HSD17B13: variants seen among roughly 807,000 people sequenced by gnomAD.
HSD17B13 encodes the protein hydroxysteroid 17-beta dehydrogenase 13.
Under a neutral mutation model 31.1 loss-of-function variants are expected in HSD17B13, and 26 were observed. That is an observed-to-expected ratio of 0.84 (90% CI 0.61 to 1.16). The LOEUF (loss-of-function observed/expected upper bound fraction) is 1.16, where lower values mean the gene tolerates loss of function less well. Ranked by LOEUF, HSD17B13 falls within the 50% of genes most tolerant of loss-of-function variation. HSD17B13 has a pLI of 0.00. For missense variants in HSD17B13, 374 were observed against 366.5 expected (o/e 1.02, Z -0.17); for synonymous variants, 141 against 133.7 (o/e 1.05, Z -0.38).
rs1734320576 is a variant in HSD17B13, at chr4:87,303,854, C to T, written c.*1364G>A. 7.9e-6 allele frequency: 1 copy of T among 126,002 alleles called. No homozygotes were observed. Among genetic ancestry groups the T allele is most frequent in the South Asian group, 2.6e-4 (1 of 3,848 alleles). 7.8% of individuals were successfully genotyped at this position (126,002 alleles called of 1,614,324 possible). On this transcript the variant is annotated 3_prime_UTR_variant, in exon 7 of 7. Coordinates refer to ENST00000328546, the MANE Select transcript of HSD17B13 (RefSeq NM_178135.5). ...AGGTTATTTTTTTAAAGCACAATGA[C>T]ATATTTATTTTTAGTGAATTGTTTT... is the stretch of plus-strand genomic sequence containing the variant.
rs372756309 is a variant in HSD17B13, at chr4:87,313,846, C to T, written c.672G>A (p.Gly224=). Residue 224 remains glycine, a synonymous_variant, in exon 5 of 7, where the codon GGG becomes GGA. Transcript: ENST00000328546. ...SCLCPVFVNT[G]FTKNPSTRLW... ...ACCTTGTGCTTGGATTTTTGGTGAA[C>T]CCAGTATTCACAAAAACTGGGCAGA... is the stretch of plus-strand genomic sequence containing the variant. The T allele has an allele frequency of 3.1e-6, 5 of 1,611,720 alleles. No individual in the cohort carries two copies. In the African/African-American group the frequency reaches 5.4e-5, roughly 17 times the overall value.
chr4:87,307,466 C>T (rs115813631), intron 6 of HSD17B13, among the ~76,000 whole-genome samples: 2,585 of 152,226 alleles, frequency 0.017, 63 homozygotes, highest in African/African-American at 0.059. Context: ...TCCTACAGTG[C>T]TTAGTACCAA....
At chr4:87,306,030 C>T (rs1178442238) in intron 6 of HSD17B13, among the ~76,000 whole-genome samples, 2 of 152,106 alleles carry the variant, frequency 1.3e-5, no homozygotes, top group Admixed American at 6.5e-5. Flanking sequence ...TCATACAGTT[C>T]GTCCCTCTGA....
intron 4 of HSD17B13, among the ~76,000 whole-genome samples, chr4:87,314,641 T>TCTCTCACACACA (rs373166006): frequency 7.0e-6 from 1 of 142,140 alleles, no homozygotes; most frequent in African/African-American, 2.5e-5. Context: ...TCTCTCTCTC[T>TCTCTCACACACA]CACACACACA....
Position 87,319,329 on chromosome 4 carries a change from C to CT in HSD17B13, c.211-894dup, listed in dbSNP as rs556561217. ...CAAAACAAAACAAAATCCCTTCATG[C>CT]TTTTTTCAGCTTTTCCTCTTGGTTG... On this transcript the variant is annotated intron_variant, in intron 1 of 6. Transcript: ENST00000328546. Among the ~76,000 whole-genome samples the CT allele has an allele frequency of 3.8e-3, 581 of 151,986 alleles. 3 individuals carry two copies. The highest frequency in any genetic ancestry group is 0.013 in the African/African-American group (541 of 41,516).
At chr4:87,316,298 A>G (rs1734647903) in intron 3 of HSD17B13, among the ~76,000 whole-genome samples, 1 of 152,184 alleles carries the variant, frequency 6.6e-6, no homozygotes, top group Non-Finnish European at 1.5e-5. Flanking sequence ...GCTTTAAACC[A>G]CTAAGTTTTG....
At chr4:87,310,500 G>GCGGTATACATATA in intron 5 of HSD17B13, 141 bp from the exon 6 acceptor site, 1 of 1,003,798 alleles carries the variant, frequency 1.0e-6, no homozygotes, top group Non-Finnish European at 1.3e-6. Flanking sequence ...CTGCATTAAT[G>GCGGTATACATATA]CCACCCTACC....
In HSD17B13 at chr4:87,322,796, A is replaced by T. The variant is rs200847277; in HGVS notation, c.46T>A (p.Tyr16Asn). The part of the protein sequence containing the change: ...EILLLLITII[Y>N]SYLESLVKFF... ...TTCACCAACGACTCCAAGTAGGAGT[A>T]GATGATGGTGATCAGAAGCAGAAGG... is the stretch of plus-strand genomic sequence containing the variant. Residue 16 changes from tyrosine (Y) to asparagine (N), a missense_variant, in exon 1 of 7, where the codon TAC (tyrosine) becomes AAC (asparagine). By Grantham distance (143) the Tyr-to-Asn change is moderately radical. Transcript: ENST00000328546. 6.5e-4 allele frequency: 1,044 copies of T among 1,614,180 alleles called. 4 individuals carry two copies. Among genetic ancestry groups the T allele is most frequent in the Non-Finnish European group, 8.7e-4 (1,029 of 1,179,992 alleles).
At chr4:87,312,687 G>A (rs113875991) in intron 5 of HSD17B13, among the ~76,000 whole-genome samples, 47 of 150,742 alleles carry the variant, frequency 3.1e-4, no homozygotes, top group African/African-American at 1.1e-3. Context: ...CCGCCACCAC[G>A]CCCGGCTAAT....
chr4:87,312,810 A>T lies in HSD17B13; in HGVS notation c.695+1013T>A, dbSNP rs569853889. 3.3e-5 allele frequency among the ~76,000 whole-genome samples: 5 copies of T among 152,054 alleles called. No homozygotes were observed. The South Asian group carries it at 1.0e-3, about 32-fold the overall frequency. On this transcript the variant is annotated intron_variant, in intron 5 of 6. Coordinates refer to ENST00000328546, the MANE Select transcript of HSD17B13 (RefSeq NM_178135.5). ...CATGGTGGCTCACTCCTGTAATCCC[A>T]GCATTTTAGGAGGCCAAGGCAGGTA... is the stretch of plus-strand genomic sequence containing the variant.
chr4:87,320,252 G>A (rs1734749054), intron 1 of HSD17B13, among the ~76,000 whole-genome samples: 1 of 152,104 alleles, frequency 6.6e-6, no homozygotes, highest in Non-Finnish European at 1.5e-5. Flanking sequence ...CACTGATTTA[G>A]TTGGTAGCTT....
Position 87,316,746 on chromosome 4 carries a change from G to GA in HSD17B13, c.450+345dup, listed in dbSNP as rs549360028. On this transcript the variant is annotated intron_variant, in intron 3 of 6. Coordinates refer to ENST00000328546, the MANE Select transcript of HSD17B13 (RefSeq NM_178135.5). ...ACATTACAAAATCATGGTGTGGAGG[G>GA]AAAAAAATGAAGTCACAAGTGACAG... Among the ~76,000 whole-genome samples the GA allele has an allele frequency of 4.6e-5, 7 of 152,150 alleles. No individual in the cohort carries two copies. In the South Asian group the frequency reaches 1.0e-3, roughly 23 times the overall value.
chr4:87,309,473 C>T (rs1386158796), intron 6 of HSD17B13, among the ~76,000 whole-genome samples: 2 of 140,452 alleles, frequency 1.4e-5, no homozygotes, highest in African/African-American at 5.2e-5. Flanking sequence ...ACACCAAAAA[C>T]TACAAAATAC....
At chr4:87,313,483 T>G (rs149679352) in intron 5 of HSD17B13, among the ~76,000 whole-genome samples, 1 of 152,296 alleles carries the variant, frequency 6.6e-6, no homozygotes, top group Non-Finnish European at 1.5e-5. Flanking sequence ...ACAAGAGTTC[T>G]TGCAGAAATT....
chr4:87,318,431 A>G lies in HSD17B13; in HGVS notation c.216T>C (p.Gly72=). ...ILVLWDINKR[G]VEETAAECRK... ...GGCACTCAGCTGCAGTTTCCTCCAC[A>G]CCGCGCTGTAATTAGGAAGAAACAA... The change falls in exon 2 of 7, where the codon GGT becomes GGC. Residue 72 remains glycine, a synonymous_variant. Coordinates refer to ENST00000328546, the MANE Select transcript of HSD17B13 (RefSeq NM_178135.5). 6.2e-7 allele frequency: 1 copy of G among 1,613,650 alleles called. No individual in the cohort carries two copies. The highest frequency in any genetic ancestry group is 8.5e-7 in the Non-Finnish European group (1 of 1,179,582).
chr4:87,308,555 C>A (rs1363975379), intron 6 of HSD17B13, among the ~76,000 whole-genome samples: 3 of 135,442 alleles, frequency 2.2e-5, no homozygotes, highest in Admixed American at 8.1e-5. Flanking sequence ...GTTGCAGGCG[C>A]CTGTAGTCCC....
In HSD17B13 at chr4:87,317,169, A is replaced by AC; in HGVS notation, c.372_373insG (p.Tyr125ValfsTer11). 6.2e-7 allele frequency: 1 copy of AC among 1,613,742 alleles called. No individual in the cohort carries two copies. Among genetic ancestry groups the AC allele is most frequent in the Non-Finnish European group, 8.5e-7 (1 of 1,179,628 alleles). ...TTGGTGCTGAGAAGATCGGCTGGAT[A>AC]TACTGTCCCAGCATTATTCACCACG... On this transcript the variant is annotated frameshift_variant, in exon 3 of 7. Transcript: ENST00000328546. LOFTEE classifies it high-confidence loss of function.
intron 6 of HSD17B13, among the ~76,000 whole-genome samples, chr4:87,310,005 C>G (rs1734491570): frequency 6.6e-6 from 1 of 151,876 alleles, no homozygotes; most frequent in South Asian, 2.1e-4. Context: ...TCAAAAAATA[C>G]AAAAATTAGC....
intron 5 of HSD17B13, among the ~76,000 whole-genome samples, chr4:87,313,468 C>T (rs1434180803): frequency 2.0e-5 from 3 of 152,104 alleles, no homozygotes; most frequent in Non-Finnish European, 4.4e-5. Flanking sequence ...CCTGTCTCAC[C>T]AGAGACAAGA....
Sources: gnomAD v4.1 joint callset for allele counts (sites outside exome capture counted in the v4.1 genomes callset) on GRCh38, gnomAD v4.1.1 for gene constraint, MANE v1.5 for transcripts, NCBI Gene and HGNC (gene_info 2026-07-23, HGNC 2026-07-21) for gene names.